Variants in CRPPA observed in about 807,000 individuals in gnomAD.
CRPPA encodes the protein D-ribitol-5-phosphate cytidylyltransferase.
Under a neutral mutation model 52.0 loss-of-function variants are expected in CRPPA, and 43 were observed. The observed-to-expected ratio is 0.83, with a 90% CI of 0.65 to 1.07. The LOEUF (loss-of-function observed/expected upper bound fraction) is 1.07, where lower values mean the gene tolerates loss of function less well. Among genes scored for constraint, CRPPA ranks in the 50% least tolerant of loss-of-function variants. The pLI is 0.00. For missense variants in CRPPA, 629 were observed against 551.7 expected (o/e 1.14, Z -1.40); for synonymous variants, 250 against 203.5 (o/e 1.23, Z -1.94).
At chr7:16,365,799 G>A (rs1786574947) in intron 3 of CRPPA, among the ~76,000 whole-genome samples, 1 of 151,998 alleles carries the variant, frequency 6.6e-6, no homozygotes, top group Non-Finnish European at 1.5e-5. Context: ...ATGTATTAAA[G>A]ACAACACTGA....
intron 9 of CRPPA, among the ~76,000 whole-genome samples, chr7:16,141,731 A>G (rs1053471927): frequency 6.6e-6 from 1 of 152,246 alleles, no homozygotes; most frequent in Non-Finnish European, 1.5e-5. Context: ...TCTTCCACTC[A>G]GTATAATATA....
chr7:16,160,396 T>C (rs1396261568), intron 9 of CRPPA, among the ~76,000 whole-genome samples: 2 of 152,198 alleles, frequency 1.3e-5, no homozygotes, highest in Admixed American at 1.3e-4. Flanking sequence ...GGCTAGCCAG[T>C]TTTCCCAACA....
intron 8 of CRPPA, among the ~76,000 whole-genome samples, chr7:16,249,132 C>T (rs549058701): frequency 3.3e-5 from 5 of 152,258 alleles, no homozygotes; most frequent in Non-Finnish European, 7.4e-5. Flanking sequence ...TGCAACCCAC[C>T]AGAGCTCAGT....
intron 9 of CRPPA, among the ~76,000 whole-genome samples, chr7:16,170,458 G>A (rs1205170283): frequency 6.6e-6 from 1 of 152,216 alleles, no homozygotes; most frequent in Non-Finnish European, 1.5e-5. Context: ...TGGTCTCGCT[G>A]ACTTCAGGAG....
At chr7:16,366,582 A>C (rs1294628344) in intron 3 of CRPPA, among the ~76,000 whole-genome samples, 1 of 152,180 alleles carries the variant, frequency 6.6e-6, no homozygotes, top group Non-Finnish European at 1.5e-5. Context: ...AGATAAAAGT[A>C]ATTTATGCTT....
chr7:16,292,542 C>G (rs973946742), intron 5 of CRPPA, among the ~76,000 whole-genome samples: 2 of 151,984 alleles, frequency 1.3e-5, no homozygotes, highest in Admixed American at 1.3e-4. Context: ...GTTTGAAATT[C>G]TGAATGTCAG....
intron 9 of CRPPA, among the ~76,000 whole-genome samples, chr7:16,196,641 T>C (rs1781741883): frequency 6.6e-6 from 1 of 152,134 alleles, no homozygotes; most frequent in Non-Finnish European, 1.5e-5. Flanking sequence ...CTAGAACACA[T>C]TATAGTATCT....
intron 3 of CRPPA, among the ~76,000 whole-genome samples, chr7:16,330,999 T>C (rs1785537330): frequency 6.6e-6 from 1 of 152,298 alleles, no homozygotes; most frequent in Admixed American, 6.5e-5. Flanking sequence ...TTTTTTGTTT[T>C]GTTTTGTTTT....
intron 8 of CRPPA, among the ~76,000 whole-genome samples, chr7:16,235,636 T>C (rs1782929047): frequency 6.6e-6 from 1 of 152,116 alleles, no homozygotes; most frequent in South Asian, 2.1e-4. Context: ...TACTATCTGT[T>C]TCTTTACAGG....
At chr7:16,412,825 C>G (rs1788104147) in intron 1 of CRPPA, among the ~76,000 whole-genome samples, 1 of 152,144 alleles carries the variant, frequency 6.6e-6, no homozygotes, top group Admixed American at 6.5e-5. Flanking sequence ...CAAATAGGAA[C>G]CTAGCCTTAA....
At chr7:16,337,016 T>C (rs117817691) in intron 3 of CRPPA, among the ~76,000 whole-genome samples, 6 of 151,878 alleles carry the variant, frequency 4.0e-5, no homozygotes, top group Admixed American at 1.3e-4. Context: ...AAGAGAGAGA[T>C]TGCAATACTA....
At chr7:16,323,890 T>C (rs1357840353) in intron 3 of CRPPA, among the ~76,000 whole-genome samples, 2 of 152,102 alleles carry the variant, frequency 1.3e-5, no homozygotes, top group Non-Finnish European at 2.9e-5. Context: ...CATTCGAAAC[T>C]AAGCAGCTTT....
In CRPPA at chr7:16,187,174, C is replaced by T. The variant is rs75464412; in HGVS notation, c.1251+28892G>A. ...AGGTTTTCTTTCCTCAAGTATTACC[C>T]CCATGATACCTAAATTATTGCCTAT... On this transcript the variant is annotated intron_variant, in intron 9 of 9. Transcript: ENST00000407010. Among the ~76,000 whole-genome samples the T allele has an allele frequency of 0.015, 2,233 of 152,092 alleles. 205 individuals carry two copies. In the East Asian group the frequency reaches 0.27, roughly 18 times the overall value.
At chr7:16,355,685 G>C (rs890753473) in intron 3 of CRPPA, among the ~76,000 whole-genome samples, 1 of 152,150 alleles carries the variant, frequency 6.6e-6, no homozygotes. Context: ...AGAAACAAAA[G>C]GTAGCCATGT....
Position 16,216,093 on chromosome 7 carries a change from T to C in CRPPA, c.1224A>G (p.Leu408=), listed in dbSNP as rs931469039. 3.1e-6 allele frequency: 5 copies of C among 1,599,524 alleles called. No individual in the cohort carries two copies. Among genetic ancestry groups the C allele is most frequent in the Admixed American group, 1.7e-5 (1 of 58,190 alleles). Reference sequence around the variant, plus strand: ...GTGGGTAAGATATGAGAAGCCCATATAACAAAATATTTCTTTCTTTTACTT... The same window carrying C: ...GTGGGTAAGATATGAGAAGCCCATACAACAAAATATTTCTTTCTTTTACTT... ...AKEVKERNIL[L]YGLLISYPQD... Residue 408 remains leucine, a synonymous_variant, in exon 9 of 10, where the codon TTA becomes TTG. Coordinates refer to ENST00000407010, the MANE Select transcript of CRPPA (RefSeq NM_001101426.4).
At chr7:16,320,321 G>A (rs1785233540) in intron 3 of CRPPA, among the ~76,000 whole-genome samples, 1 of 152,136 alleles carries the variant, frequency 6.6e-6, no homozygotes, top group Non-Finnish European at 1.5e-5. Flanking sequence ...GAATATGGCA[G>A]GGTTATTAAC....
At chr7:16,134,451 G>A (rs1782728694) in intron 9 of CRPPA, among the ~76,000 whole-genome samples, 1 of 151,836 alleles carries the variant, frequency 6.6e-6, no homozygotes, top group Non-Finnish European at 1.5e-5. Flanking sequence ...CATGAAACTG[G>A]TCCCTGGTGA....
At chr7:16,099,069 G>GT (rs1200501691) in intron 9 of CRPPA, among the ~76,000 whole-genome samples, 3 of 151,932 alleles carry the variant, frequency 2.0e-5, no homozygotes, top group African/African-American at 7.3e-5. Context: ...TTCAATAACT[G>GT]TTTTGGAAAG....
intron 9 of CRPPA, among the ~76,000 whole-genome samples, chr7:16,142,382 G>A (rs944461671): frequency 5.3e-5 from 8 of 152,012 alleles, no homozygotes; most frequent in Non-Finnish European, 1.2e-4. Flanking sequence ...TTAAATAATG[G>A]ACCACACTTA....
Sources: gnomAD v4.1 joint callset for allele counts (sites outside exome capture counted in the v4.1 genomes callset) on GRCh38, gnomAD v4.1.1 for gene constraint, MANE v1.5 for transcripts, NCBI Gene and HGNC (gene_info 2026-07-23, HGNC 2026-07-21) for gene names.